RNF213: variants seen among roughly 807,000 people sequenced by gnomAD.
RNF213 encodes the protein ring finger protein 213.
A neutral mutation model predicts 514.4 loss-of-function variants in RNF213; 341 were observed. The observed-to-expected ratio is 0.66, with a 90% CI of 0.61 to 0.73. RNF213 has a LOEUF of 0.73. Ranked by LOEUF, RNF213 falls within the 30% of genes least tolerant of loss-of-function variation. RNF213 has a pLI of 0.00. For synonymous variants in RNF213, 2,655 were observed against 2,658.2 expected (o/e 1.00, Z 0.04); for missense variants, 5,767 against 6,615.6 (o/e 0.87, Z 4.45).
rs149177904 is a variant in RNF213 at position 80,287,950 on chromosome 17, C to T, written c.397C>T (p.Leu133=). ...AAACCCGTGGCCTCAGGACACAGCC[C>T]TGCCCCACAGCCAAGCCCAGCAGAG... is the stretch of plus-strand genomic sequence containing the variant. ...LSNPWPQDTA[L]PHSQAQQSGP... The change falls in exon 4 of 68, where the codon CTG becomes TTG. Residue 133 remains leucine, a synonymous_variant. Transcript: ENST00000582970. 6.4e-7 allele frequency: 1 copy of T among 1,570,594 alleles called. No homozygotes were observed. Among genetic ancestry groups the T allele is most frequent in the Non-Finnish European group, 8.6e-7 (1 of 1,157,904 alleles).
intron 55 of RNF213, 117 bp downstream of exon 55, chr17:80,379,831 C>T (rs1299927699): frequency 4.7e-6 from 4 of 843,656 alleles, no homozygotes; most frequent in Non-Finnish European, 7.9e-6. Context: ...TACATGTGGG[C>T]CTGTGTCATA....
intron 6 of RNF213, among the ~76,000 whole-genome samples, chr17:80,290,313 G>C (rs1373629325): frequency 6.6e-6 from 1 of 152,048 alleles, no homozygotes; most frequent in Non-Finnish European, 1.5e-5. Flanking sequence ...GGGTGTGTGC[G>C]TGTGCGTTCA....
chr17:80,363,573 C>T (rs1430454947), intron 40 of RNF213, 36 bp from the exon 41 acceptor site: 1 of 1,610,024 alleles, frequency 6.2e-7, no homozygotes, highest in Non-Finnish European at 8.5e-7. Flanking sequence ...GTGGGAGGGG[C>T]ACCGCTCAGC....
At chr17:80,385,691 C>G in intron 61 of RNF213, 70 bp downstream of exon 61, 1 of 1,326,238 alleles carries the variant, frequency 7.5e-7, no homozygotes, top group East Asian at 2.3e-5. Flanking sequence ...TCTCGTCAGC[C>G]TGACTCGGCC....
In RNF213 at chr17:80,298,443, G is replaced by A. The variant is rs760656345; in HGVS notation, c.2135G>A (p.Trp712Ter). ...CTGGCCCCGCGGCACAAGGATGCCT[G>A]GAGACAGCCTGAGGACACCTGGGCC... Reference protein sequence around the residue: ...MELAPRHKDAWRQPEDTWAAL... With the variant: ...MELAPRHKDA Residue 712 changes from tryptophan (W) to a stop codon, truncating the protein, a stop_gained, in exon 11 of 68, where the codon TGG (tryptophan) becomes TAG (stop). Transcript: ENST00000582970. LOFTEE classifies it high-confidence loss of function. 11 of 1,614,198 alleles carry A rather than the reference G, an allele frequency of 6.8e-6. No homozygotes were observed. Among genetic ancestry groups the A allele is most frequent in the South Asian group, 3.3e-5 (3 of 91,082 alleles).
rs766533490 is a variant in RNF213 at position 80,331,995 on chromosome 17, C to T, written c.3518-11C>T. The T allele has an allele frequency of 9.1e-5, 139 of 1,524,764 alleles. No individual in the cohort carries two copies. Among genetic ancestry groups the T allele is most frequent in the Non-Finnish European group, 1.1e-4 (126 of 1,138,452 alleles). 94.5% of individuals were successfully genotyped at this position (1,524,764 alleles called of 1,614,324 possible). On this transcript the variant is annotated splice_polypyrimidine_tract_variant and intron_variant, in intron 20 of 67. Coordinates refer to ENST00000582970, the MANE Select transcript of RNF213 (RefSeq NM_001256071.3). ...GCTTTGACTTCTGACACTTTCTTTT[C>T]GCTTCTAAAGTGGACTTTGGAGTGC...
At chr17:80,314,166 A>G (rs1378149869) in intron 15 of RNF213, among the ~76,000 whole-genome samples, 25 of 73,210 alleles carry the variant, frequency 3.4e-4, no homozygotes, top group Admixed American at 5.3e-4. Context: ...GGTGTAGGTG[A>G]TGGTGGAGGT....
At chr17:80,281,748 C>T (rs1302507589) in intron 3 of RNF213, among the ~76,000 whole-genome samples, 6 of 152,158 alleles carry the variant, frequency 3.9e-5, no homozygotes, top group African/African-American at 1.4e-4. Context: ...CACAGGGGGT[C>T]GGTTCCAGGA....
chr17:80,314,297 G>C (rs2045747624), intron 15 of RNF213, among the ~76,000 whole-genome samples: 1 of 92,498 alleles, frequency 1.1e-5, no homozygotes, highest in African/African-American at 5.1e-5. Context: ...AGGTGATGGT[G>C]GTGGACGTGA....
chr17:80,353,964 T>A lies in RNF213; in HGVS notation c.10579-55T>A. The A allele has an allele frequency of 4.3e-6, 7 of 1,611,646 alleles. No individual in the cohort carries two copies. Among genetic ancestry groups the A allele is most frequent in the Non-Finnish European group, 5.9e-6 (7 of 1,179,070 alleles). On this transcript the variant is annotated intron_variant, in intron 34 of 67. Transcript: ENST00000582970. This position sits in a 1 kb window ranked among gnomAD's most constrained non-coding sequence, Gnocchi z 5.0. ...CCTCATCGCATACGGGCGGTTTGGC[T>A]TTTGCCCACTGTGTCAGTGGCAGAA...
At chr17:80,299,324 G>A (rs1231322915) in intron 11 of RNF213, among the ~76,000 whole-genome samples, 4 of 152,242 alleles carry the variant, frequency 2.6e-5, no homozygotes, top group South Asian at 2.1e-4. Context: ...GCTTTCATAA[G>A]CATCCTTAGC....
intron 43 of RNF213, 44 bp from the exon 44 acceptor site, chr17:80,367,917 C>G (rs765525681): frequency 1.2e-6 from 2 of 1,613,642 alleles, no homozygotes; most frequent in Admixed American, 3.3e-5. Context: ...CTTCTTCTGG[C>G]CAGTTTCTCT....
chr17:80,338,688 G>A (rs2078059596), intron 25 of RNF213, among the ~76,000 whole-genome samples: 1 of 151,128 alleles, frequency 6.6e-6, no homozygotes, highest in Non-Finnish European at 1.5e-5. Flanking sequence ...AACAGTCCAG[G>A]CATCATGGTT....
chr17:80,391,606 C>T (rs1568177169), intron 67 of RNF213, among the ~76,000 whole-genome samples: 1 of 152,046 alleles, frequency 6.6e-6, no homozygotes, highest in East Asian at 1.9e-4. Context: ...GAGCTCTTTG[C>T]ATAGAACAGG....
rs759211824 is a variant in RNF213, at chr17:80,294,740, A to G, written c.1492A>G (p.Ile498Val). 23 of 1,613,882 alleles carry G rather than the reference A, an allele frequency of 1.4e-5. No homozygotes were observed. The East Asian group carries it at 1.8e-4, about 13-fold the overall frequency. ...GSGDWHQYYD[I>V]VYMKPHGRLQ... ...CTTAGACTGGCATCAGTACTATGAC[A>G]TAGTTTATATGAAGCCTCATGGGAG... The change falls in exon 9 of 68, where the codon ATA (isoleucine) becomes GTA (valine). Residue 498 changes from isoleucine (I) to valine (V), a missense_variant. By Grantham distance (29) the Ile-to-Val change is conservative (BLOSUM62 3). Around this residue, in one of 13 missense-constraint regions of RNF213, gnomAD observed 592 missense variants for 673.9 expected, o/e 0.88. Coordinates refer to ENST00000582970, the MANE Select transcript of RNF213 (RefSeq NM_001256071.3).
chr17:80,277,203 G>A (rs775612318), intron 3 of RNF213, among the ~76,000 whole-genome samples: 22 of 152,112 alleles, frequency 1.4e-4, no homozygotes, highest in Non-Finnish European at 2.6e-4. Flanking sequence ...AAATATCCAC[G>A]ATAGACTCAC....
rs1388069474 is a variant in RNF213, at chr17:80,364,107, G to A, written c.11750+317G>A. On this transcript the variant is annotated intron_variant, in intron 41 of 67. Transcript: ENST00000582970. Reference sequence around the variant, plus strand: ...GACACCCCGGGCGGGCAGGTGCACAGAGCAGGACAGGCCCTCAGGGCCAGA... The same window carrying A: ...GACACCCCGGGCGGGCAGGTGCACAAAGCAGGACAGGCCCTCAGGGCCAGA... Among the ~76,000 whole-genome samples, 4 of 152,308 alleles carry A rather than the reference G, an allele frequency of 2.6e-5. No individual in the cohort carries two copies. The East Asian group carries it at 7.7e-4, about 29-fold the overall frequency.
chr17:80,291,873 G>A lies in RNF213; in HGVS notation c.1471+46G>A, dbSNP rs748230137. 3.7e-6 allele frequency: 6 copies of A among 1,600,586 alleles called. No homozygotes were observed. In the East Asian group the frequency reaches 1.3e-4, roughly 36 times the overall value. On this transcript the variant is annotated intron_variant, in intron 8 of 67. Coordinates refer to ENST00000582970, the MANE Select transcript of RNF213 (RefSeq NM_001256071.3). ...GTCTGCTCACCCCTCCGGAGTGCAG[G>A]TGCCAATCCCGCGGTACTGGACGCG...
intron 36 of RNF213, 187 bp downstream of exon 36, chr17:80,354,763 C>T (rs950413351): frequency 1.1e-5 from 8 of 696,900 alleles, no homozygotes; most frequent in Non-Finnish European, 2.0e-5. Context: ...GGCCAAATGG[C>T]AGGTGCTGGA....
Sources: allele counts gnomAD v4.1 joint callset (sites outside exome capture counted in the v4.1 genomes callset), GRCh38; gene constraint gnomAD v4.1.1; regional missense constraint gnomAD v4.1.1; non-coding constraint Gnocchi (gnomAD v3.1); transcripts MANE v1.5; gene names NCBI Gene and HGNC (gene_info 2026-07-23, HGNC 2026-07-21).